The following DIP2C variants were observed in gnomAD, a reference collection of about 807,000 sequenced individuals.
DIP2C encodes disco-interacting protein 2 homolog C.
A neutral mutation model predicts 192.4 loss-of-function variants in DIP2C; 33 were observed. The observed-to-expected ratio is 0.17, with a 90% CI of 0.13 to 0.23. DIP2C has a LOEUF of 0.23. Among genes scored for constraint, DIP2C ranks in the 10% least tolerant of loss-of-function variants. The pLI is 1.00. For synonymous variants in DIP2C, 979 were observed against 864.1 expected (o/e 1.13, Z -2.33); for missense variants, 1,537 against 2,110.1 (o/e 0.73, Z 5.32).
At position 589,929 on chromosome 10, in the gene DIP2C, G is replaced by A. The variant is rs149226771; in HGVS notation, c.85+99565C>T. Among the ~76,000 whole-genome samples the A allele has an allele frequency of 7.9e-5, 12 of 152,298 alleles. No individual in the cohort carries two copies. In the East Asian group the frequency reaches 2.3e-3, roughly 29 times the overall value. On this transcript the variant is annotated intron_variant, in intron 1 of 36. Coordinates refer to ENST00000280886, the MANE Select transcript of DIP2C (RefSeq NM_014974.3). The stretch of plus-strand genomic sequence containing the variant: ...TTTCACAACAGAATGAAATTCATAA[G>A]AACTGCTGAGAAGCGTGTGATAAGT...
intron 1 of DIP2C, among the ~76,000 whole-genome samples, chr10:578,721 A>G (rs1475806826): frequency 1.3e-5 from 2 of 152,204 alleles, no homozygotes; most frequent in East Asian, 3.9e-4. Flanking sequence ...CTATATGTAC[A>G]TAGGTACAGT....
At chr10:341,393 C>T (rs1388179360) in intron 28 of DIP2C, 64 bp from the exon 29 acceptor site, 22 of 1,603,346 alleles carry the variant, frequency 1.4e-5, no homozygotes, top group Admixed American at 3.4e-5. Context: ...CGGGACAATA[C>T]GGGGCTGCAG....
chr10:646,144 G>A (rs756113000), intron 1 of DIP2C, among the ~76,000 whole-genome samples: 1 of 152,290 alleles, frequency 6.6e-6, no homozygotes, highest in Non-Finnish European at 1.5e-5. Flanking sequence ...CTGGAGAAAC[G>A]CATGCTCGAG....
intron 1 of DIP2C, among the ~76,000 whole-genome samples, chr10:533,617 C>G (rs920528479): frequency 3.3e-5 from 5 of 151,194 alleles, no homozygotes; most frequent in African/African-American, 1.2e-4. Context: ...GGCAAACCTG[C>G]CTCCCCATGC....
intron 1 of DIP2C, among the ~76,000 whole-genome samples, chr10:562,408 C>CA (rs1849270579): frequency 6.6e-6 from 1 of 152,188 alleles, no homozygotes; most frequent in Non-Finnish European, 1.5e-5. Flanking sequence ...GCTCACTATT[C>CA]AAAGGCATGT....
At chr10:632,147 A>T (rs1465267553) in intron 1 of DIP2C, among the ~76,000 whole-genome samples, 1 of 152,266 alleles carries the variant, frequency 6.6e-6, no homozygotes, top group Non-Finnish European at 1.5e-5. Flanking sequence ...TTTTCAGAAG[A>T]GGCAAACGTG....
intron 1 of DIP2C, among the ~76,000 whole-genome samples, chr10:599,859 G>A (rs1851943747): frequency 6.6e-6 from 1 of 152,212 alleles, no homozygotes; most frequent in Admixed American, 6.5e-5. Flanking sequence ...TGCACTGTGG[G>A]GGACAGTGCT....
intron 28 of DIP2C, among the ~76,000 whole-genome samples, chr10:344,002 TCAG>T (rs1375587893): frequency 1.3e-5 from 2 of 152,142 alleles, no homozygotes; most frequent in African/African-American, 4.8e-5. Context: ...TTGCGGGACT[TCAG>T]CAGAGAAACA....
intron 1 of DIP2C, among the ~76,000 whole-genome samples, chr10:563,173 T>C (rs957081318): frequency 6.6e-6 from 1 of 152,210 alleles, no homozygotes; most frequent in African/African-American, 2.4e-5. Flanking sequence ...TGGGCCAACT[T>C]CGACTAATGC....
At chr10:562,130 C>T (rs546457004) in intron 1 of DIP2C, among the ~76,000 whole-genome samples, 30 of 151,406 alleles carry the variant, frequency 2.0e-4, no homozygotes, top group Admixed American at 1.8e-3. Context: ...GTTTTGCCTT[C>T]TCAAGGTTCT....
chr10:472,347 C>G, intron 3 of DIP2C, 92 bp downstream of exon 3: 1 of 1,228,450 alleles, frequency 8.1e-7, no homozygotes, highest in Non-Finnish European at 1.2e-6. Flanking sequence ...TCCACGCCCA[C>G]TGCACTTCTG....
At chr10:475,794 T>C (rs1971011289) in intron 2 of DIP2C, among the ~76,000 whole-genome samples, 1 of 152,202 alleles carries the variant, frequency 6.6e-6, no homozygotes, top group Non-Finnish European at 1.5e-5. Context: ...GATATGTTCC[T>C]GGAAGAAAAA....
intron 8 of DIP2C, among the ~76,000 whole-genome samples, chr10:409,291 C>T (rs1027489485): frequency 6.6e-6 from 1 of 151,826 alleles, no homozygotes; most frequent in South Asian, 2.1e-4. Flanking sequence ...GTCTTCTGAT[C>T]TGTCTGTGAT....
intron 2 of DIP2C, among the ~76,000 whole-genome samples, chr10:477,227 T>C (rs763481520): frequency 1.7e-5 from 2 of 119,492 alleles, no homozygotes; most frequent in Non-Finnish European, 3.4e-5. Context: ...ACAGGAAGAA[T>C]GGAGGAACGA....
chr10:636,630 G>A lies in DIP2C; in HGVS notation c.85+52864C>T, dbSNP rs900998418. Among the ~76,000 whole-genome samples the A allele has an allele frequency of 1.3e-4, 20 of 152,202 alleles. No individual in the cohort carries two copies. Among genetic ancestry groups the A allele is most frequent in the African/African-American group, 4.6e-4 (19 of 41,450 alleles). The stretch of plus-strand genomic sequence containing the variant: ...CAATAAGCACAATTCTCCCGAAAAC[G>A]TCTTTTCTATCTGGGCCACACACTG... On this transcript the variant is annotated intron_variant, in intron 1 of 36. Transcript: ENST00000280886. This position sits in a 1 kb window ranked among gnomAD's most constrained non-coding sequence, Gnocchi z 4.6.
At chr10:507,892 G>A (rs978611233) in intron 1 of DIP2C, among the ~76,000 whole-genome samples, 1 of 152,166 alleles carries the variant, frequency 6.6e-6, no homozygotes, top group Non-Finnish European at 1.5e-5. Context: ...TAAATGAGGG[G>A]CCCAAGTTTT....
At chr10:552,465 A>G (rs188660388) in intron 1 of DIP2C, among the ~76,000 whole-genome samples, 2 of 152,346 alleles carry the variant, frequency 1.3e-5, no homozygotes, top group African/African-American at 4.8e-5. Flanking sequence ...CATTAACTAT[A>G]TTTAAGTGTT....
At chr10:640,904 A>G (rs931566213) in intron 1 of DIP2C, among the ~76,000 whole-genome samples, 1 of 152,046 alleles carries the variant, frequency 6.6e-6, no homozygotes, top group Non-Finnish European at 1.5e-5. Context: ...GAGGGGCTGC[A>G]TGAACCAGCA....
chr10:448,267 C>T (rs1487479447), intron 3 of DIP2C, among the ~76,000 whole-genome samples: 13 of 126,426 alleles, frequency 1.0e-4, no homozygotes, highest in Admixed American at 3.7e-4. Flanking sequence ...ACCCACTCAT[C>T]CCTGTCTATA....
Sources: allele counts gnomAD v4.1 joint callset (sites outside exome capture counted in the v4.1 genomes callset), GRCh38; gene constraint gnomAD v4.1.1; non-coding constraint Gnocchi (gnomAD v3.1); transcripts MANE v1.5; gene names NCBI Gene and HGNC (gene_info 2026-07-23, HGNC 2026-07-21).